GON4L: variants seen among roughly 807,000 people sequenced by gnomAD.
GON4L encodes gon-4 like.
A neutral mutation model predicts 211.8 loss-of-function variants in GON4L; 87 were observed. That is an observed-to-expected ratio of 0.41 (90% CI 0.35 to 0.49). The LOEUF (loss-of-function observed/expected upper bound fraction) is 0.49. Ranked by LOEUF, GON4L falls within the 20% of genes least tolerant of loss-of-function variation. The probability of loss-of-function intolerance (pLI) is 0.15; values close to 1 mark genes in which losing one functional copy is unlikely to be tolerated. For synonymous variants in GON4L, 875 were observed against 962.6 expected (o/e 0.91, Z 1.68); for missense variants, 2,155 against 2,659.5 (o/e 0.81, Z 4.17).
At chr1:155,777,235 T>C (rs1663905784) in intron 15 of GON4L, among the ~76,000 whole-genome samples, 2 of 152,250 alleles carry the variant, frequency 1.3e-5, no homozygotes, top group Non-Finnish European at 2.9e-5. Context: ...TAACTATCTC[T>C]GACTTTTACA....
rs1668189820 is a variant in GON4L at position 155,815,811 on chromosome 1, A to G, written c.1155T>C (p.Ala385=). Residue 385 remains alanine, a synonymous_variant, in exon 8 of 32, where the codon GCT becomes GCC. Transcript: ENST00000368331. ...QPDDEEEDET[A]EESLLESDVE... ...CCAACTAACATTCACTGACCTCTTC[A>G]GCAGTTTCATCTTCTTCTTCATCAT... The G allele has an allele frequency of 1.9e-6, 3 of 1,573,540 alleles. No homozygotes were observed. The highest frequency in any genetic ancestry group is 1.7e-4 in the Middle Eastern group (1 of 5,974).
intron 23 of GON4L, among the ~76,000 whole-genome samples, chr1:155,761,544 G>GGAGTGCA (rs1186758017): frequency 6.8e-6 from 1 of 147,664 alleles, no homozygotes; most frequent in Admixed American, 6.8e-5. Context: ...CACCAAGGCT[G>GGAGTGCA]GAGTGCAGTG....
At chr1:155,816,293 ATCT>A in intron 6 of GON4L, 31 bp from the exon 7 acceptor site, 1 of 989,684 alleles carries the variant, frequency 1.0e-6, no homozygotes, top group Non-Finnish European at 1.6e-6. Flanking sequence ...TAATTAAGTT[ATCT>A]TAACTGAAAT....
downstream of GON4L, chr1:155,747,883 C>T: frequency 6.3e-7 from 1 of 1,579,134 alleles, no homozygotes; most frequent in Non-Finnish European, 8.6e-7. Context: ...CTACCTGGTC[C>T]CTACCATCGT....
intron 19 of GON4L, among the ~76,000 whole-genome samples, chr1:155,770,156 G>T (rs1452120264): frequency 6.6e-6 from 1 of 151,540 alleles, no homozygotes; most frequent in African/African-American, 2.4e-5. Context: ...AGCTTACAGT[G>T]AGCTATGACT....
chr1:155,752,698 G>A, intron 29 of GON4L, 108 bp from the exon 30 acceptor site: 1 of 1,514,376 alleles, frequency 6.6e-7, no homozygotes, highest in Non-Finnish European at 9.0e-7. Flanking sequence ...TAAAAAAGAG[G>A]GCTGGGCATG....
rs773381402 is a variant in GON4L at position 155,766,154 on chromosome 1, G to C, written c.3319C>G (p.Pro1107Ala). ...VPKVMLPSLA[P>A]SKFRKPYVRR... is the part of the protein sequence containing the mutation. ...ACATATGGCTTTCGAAACTTAGAAG[G>C]GGCAAGGGAGGGCAGCATTACCTTG... is the stretch of plus-strand genomic sequence containing the variant. Residue 1107 changes from proline to alanine, a missense_variant, in exon 21 of 32, where the codon CCT (proline) becomes GCT (alanine). Pro to Ala is a conservative substitution (Grantham distance 27). Around this residue, in one of 6 missense-constraint regions of GON4L, gnomAD observed 615 missense variants for 625.7 expected, o/e 0.98. Transcript: ENST00000368331. 1.2e-6 allele frequency: 2 copies of C among 1,614,116 alleles called. No individual in the cohort carries two copies. The highest frequency in any genetic ancestry group is 1.7e-6 in the Non-Finnish European group (2 of 1,180,010).
chr1:155,826,083 C>T (rs1253535896), intron 3 of GON4L, among the ~76,000 whole-genome samples: 8 of 151,864 alleles, frequency 5.3e-5, no homozygotes, highest in Non-Finnish European at 1.0e-4. Flanking sequence ...TGTGACGGCA[C>T]GCGCTTATAG....
At chr1:155,845,250 T>G (rs1036505675) in intron 2 of GON4L, 4 of 165,062 alleles carry the variant, frequency 2.4e-5, no homozygotes, top group African/African-American at 9.6e-5. Flanking sequence ...ACAACCAAGA[T>G]GGCAACAAAA....
At chr1:155,798,123 AATATATATAT>A (rs200667170) in intron 11 of GON4L, among the ~76,000 whole-genome samples, 1 of 144,168 alleles carries the variant, frequency 6.9e-6, no homozygotes, top group Admixed American at 6.9e-5. Flanking sequence ...AATATATATA[AATATATATAT>A]ACTTATACAG....
In GON4L at chr1:155,827,798, T is replaced by A. The variant is rs141806851; in HGVS notation, c.506-770A>T. 5.3e-5 allele frequency among the ~76,000 whole-genome samples: 8 copies of A among 151,488 alleles called. No homozygotes were observed. In the East Asian group the frequency reaches 1.6e-3, roughly 30 times the overall value. On this transcript the variant is annotated intron_variant, in intron 2 of 31. Transcript: ENST00000368331. ...CAGGAGGATCACTTGAACCCAGGAG[T>A]TTGAGACCAGTCTGAGCAACATATC...
chr1:155,794,455 C>T (rs1665893176), intron 12 of GON4L, among the ~76,000 whole-genome samples: 1 of 152,162 alleles, frequency 6.6e-6, no homozygotes, highest in African/African-American at 2.4e-5. Flanking sequence ...TCTTTTCACT[C>T]ATACACCACC....
At position 155,766,923 on chromosome 1, in the gene GON4L, G is replaced by A. The variant is rs1455675093; in HGVS notation, c.2764-214C>T. Among the ~76,000 whole-genome samples, 4 of 152,192 alleles carry A rather than the reference G, an allele frequency of 2.6e-5. No homozygotes were observed. The East Asian group carries it at 7.7e-4, about 29-fold the overall frequency. On this transcript the variant is annotated intron_variant, in intron 20 of 31. Transcript: ENST00000368331. ...TAGTTGGGTGTGGTGGCATGTGCCT[G>A]TAATCCCAGCTACTCAGGAGGCGGA...
At chr1:155,784,192 T>C (rs1664699790) in intron 13 of GON4L, 103 bp from the exon 14 acceptor site, 7 of 1,477,752 alleles carry the variant, frequency 4.7e-6, no homozygotes, top group Non-Finnish European at 6.6e-6. Context: ...AAGACTATAA[T>C]AATGCTGGCA....
chr1:155,767,087 G>C (rs1198221816), intron 20 of GON4L: 3 of 613,360 alleles, frequency 4.9e-6, no homozygotes. Context: ...AAAAACAATA[G>C]GGCTTTCTAG....
rs377473137 is a variant in GON4L at position 155,777,525 on chromosome 1, G to A, written c.2091+97C>T. ...GCCCAGAAAGCAGAGGTTGAAGTGA[G>A]CCGATATCGGGCCACTGCACTCCAG... On this transcript the variant is annotated intron_variant, in intron 15 of 31. Transcript: ENST00000368331. 602 of 903,742 alleles carry A rather than the reference G, an allele frequency of 6.7e-4. 7 individuals are homozygous for A. In the South Asian group the frequency reaches 7.4e-3, roughly 11 times the overall value. 56.0% of individuals were successfully genotyped at this position (903,742 alleles called of 1,614,324 possible). A position where few individuals can be genotyped will look rare whatever the true frequency, so the allele number is the denominator to read the frequency against.
intron 2 of GON4L, among the ~76,000 whole-genome samples, chr1:155,852,557 C>T (rs1382990155): frequency 6.6e-6 from 1 of 151,840 alleles, no homozygotes; most frequent in Non-Finnish European, 1.5e-5. Context: ...CTGGCTAACA[C>T]AGTGAAACCC....
At chr1:155,752,790 T>C (rs1175512838) in intron 29 of GON4L, among the ~76,000 whole-genome samples, 200 bp from the exon 30 acceptor site, 2 of 152,090 alleles carry the variant, frequency 1.3e-5, no homozygotes, top group Non-Finnish European at 2.9e-5. Flanking sequence ...CTGGGCAATA[T>C]GGTGAGACTC....
At chr1:155,775,588 G>A (rs1448762830) in intron 16 of GON4L, among the ~76,000 whole-genome samples, 1 of 151,754 alleles carries the variant, frequency 6.6e-6, no homozygotes, top group Non-Finnish European at 1.5e-5. Flanking sequence ...CCGAGTAGCT[G>A]GGATTAATTA....
Sources: allele counts gnomAD v4.1 joint callset (sites outside exome capture counted in the v4.1 genomes callset), GRCh38; gene constraint gnomAD v4.1.1; regional missense constraint gnomAD v4.1.1; transcripts MANE v1.5; gene names NCBI Gene and HGNC (gene_info 2026-07-23, HGNC 2026-07-21).